The following DDX42 variants were observed in gnomAD, a reference collection of about 807,000 sequenced individuals.
DDX42 encodes ATP-dependent RNA helicase DDX42.
A neutral mutation model predicts 101.5 loss-of-function variants in DDX42; 22 were observed. That is an observed-to-expected ratio of 0.22 (90% CI 0.15 to 0.31). The LOEUF (loss-of-function observed/expected upper bound fraction) is 0.31. DDX42 is among the 10% of genes least tolerant of loss of function. DDX42 has a pLI of 1.00. For synonymous variants in DDX42, 402 were observed against 401.2 expected (o/e 1.00, Z -0.02); for missense variants, 849 against 1,199.9 (o/e 0.71, Z 4.32).
At chr17:63,786,867 G>A (rs1210461378) in intron 1 of DDX42, among the ~76,000 whole-genome samples, 167 bp from the exon 2 acceptor site, 1 of 152,098 alleles carries the variant, frequency 6.6e-6, no homozygotes, top group African/African-American at 2.4e-5. Context: ...TAGTAGAGAA[G>A]GGTTTTCACC....
chr17:63,807,068 C>T (rs1467577963), intron 8 of DDX42, among the ~76,000 whole-genome samples: 2 of 152,084 alleles, frequency 1.3e-5, no homozygotes, highest in African/African-American at 4.8e-5. Context: ...ATAGTCTGTA[C>T]CTTCTTAAGG....
chr17:63,807,580 T>C, intron 8 of DDX42, 144 bp from the exon 9 acceptor site: 1 of 641,070 alleles, frequency 1.6e-6, no homozygotes, highest in Non-Finnish European at 2.6e-6. Context: ...TATTTCTATT[T>C]CACAACCAGT....
chr17:63,811,776 G>T, intron 13 of DDX42, 156 bp from the exon 14 acceptor site: 2 of 867,996 alleles, frequency 2.3e-6, no homozygotes, highest in Admixed American at 2.1e-5. Context: ...GAAAGGAGAG[G>T]TGAGTTTTGA....
chr17:63,800,363 T>G (rs1047234144), intron 5 of DDX42, 105 bp from the exon 6 acceptor site: 1 of 1,034,854 alleles, frequency 9.7e-7, no homozygotes, highest in South Asian at 1.7e-5. Context: ...ACTTGGTAGG[T>G]ATGTTAACTG....
chr17:63,793,856 T>TTA (rs138103837), intron 3 of DDX42, among the ~76,000 whole-genome samples: 2,375 of 70,626 alleles, frequency 0.034, 34 homozygotes, highest in Middle Eastern at 0.11. Context: ...GCAGAAAAAT[T>TTA]TATATATATA....
chr17:63,813,691 G>A (rs151122576), intron 15 of DDX42, among the ~76,000 whole-genome samples: 5 of 152,256 alleles, frequency 3.3e-5, no homozygotes, highest in African/African-American at 1.2e-4. Context: ...ATCTGTCGCT[G>A]TAATTTCTAC....
chr17:63,811,228 G>A (rs371467533), intron 13 of DDX42, 55 bp downstream of exon 13: 11 of 1,275,024 alleles, frequency 8.6e-6, no homozygotes, highest in Middle Eastern at 1.9e-4. Context: ...TCATATTATG[G>A]AACACAGAAT....
At chr17:63,815,514 TG>T (rs1567747116) in intron 15 of DDX42, 48 bp from the exon 16 acceptor site, 1 of 1,401,990 alleles carries the variant, frequency 7.1e-7, no homozygotes. Flanking sequence ...TCTCTTCTTC[TG>T]TTCTTTTCTC....
chr17:63,780,701 A>AG (rs1231024723), intron 1 of DDX42, among the ~76,000 whole-genome samples: 1 of 152,208 alleles, frequency 6.6e-6, no homozygotes, highest in African/African-American at 2.4e-5. Flanking sequence ...CTAAGTCTTG[A>AG]GAGCCAGTAA....
At chr17:63,775,479 G>C (rs2039409292) in intron 1 of DDX42, among the ~76,000 whole-genome samples, 1 of 152,182 alleles carries the variant, frequency 6.6e-6, no homozygotes, top group Non-Finnish European at 1.5e-5. Context: ...GCTGGAAAGG[G>C]GGTTGGGGAG....
At chr17:63,804,047 TG>T (rs1803000918) in intron 6 of DDX42, among the ~76,000 whole-genome samples, 1 of 152,204 alleles carries the variant, frequency 6.6e-6, no homozygotes, top group South Asian at 2.1e-4. Context: ...TAAAGAGATT[TG>T]TGAAAATACA....
chr17:63,793,770 A>G (rs1198043747), intron 3 of DDX42, among the ~76,000 whole-genome samples: 1 of 151,808 alleles, frequency 6.6e-6, no homozygotes, highest in Non-Finnish European at 1.5e-5. Flanking sequence ...ACAGCTCTCT[A>G]TATTGATTAT....
In DDX42 at chr17:63,806,555, T is replaced by C. The variant is rs1000170405; in HGVS notation, c.747T>C (p.Pro249=). 5.0e-6 allele frequency: 8 copies of C among 1,613,374 alleles called. No homozygotes were observed. The highest frequency in any genetic ancestry group is 6.8e-6 in the Non-Finnish European group (8 of 1,179,796). The change falls in exon 8 of 18, where the codon CCT becomes CCC. Residue 249 remains proline, a synonymous_variant. Transcript: ENST00000389924. ...TCTAGGTCTCTGGTGCTGCACCTCC[T>C]AGACCAGGAAGTAGCTTTGCTCATT... is the stretch of plus-strand genomic sequence containing the variant. The part of the protein sequence containing the change: ...LNLRVSGAAP[P]RPGSSFAHFG...
chr17:63,809,637 T>A lies in DDX42; in HGVS notation c.1230T>A (p.Asp410Glu). 2 of 1,614,124 alleles carry A rather than the reference T, an allele frequency of 1.2e-6. No homozygotes were observed. Among genetic ancestry groups the A allele is most frequent in the Non-Finnish European group, 1.7e-6 (2 of 1,179,972 alleles). The change falls in exon 11 of 18, where the codon GAT (aspartate) becomes GAA (glutamate). Residue 410 changes from aspartate to glutamate, a missense_variant. Asp to Glu is a conservative substitution (Grantham distance 45). Coordinates refer to ENST00000389924, the MANE Select transcript of DDX42 (RefSeq NM_203499.3). The stretch of plus-strand genomic sequence containing the variant: ...CTTACCTTGTGTTTGATGAAGCAGA[T>A]CGAATGTTTGACATGGGATTTGGTA... The part of the protein sequence containing the change: ...RVSYLVFDEA[D>E]RMFDMGFEYQ...
At chr17:63,795,921 G>A (rs999410302) in intron 3 of DDX42, among the ~76,000 whole-genome samples, 1 of 152,138 alleles carries the variant, frequency 6.6e-6, no homozygotes, top group African/African-American at 2.4e-5. Flanking sequence ...TTATAGTGTT[G>A]TGTATTTCTG....
At position 63,787,049 on chromosome 17, in the gene DDX42, C is replaced by T. The variant is rs1457058432; in HGVS notation, c.-1C>T. 3.7e-6 allele frequency: 6 copies of T among 1,613,924 alleles called. No homozygotes were observed. In the African/African-American group the frequency reaches 6.7e-5, roughly 18 times the overall value. On this transcript the variant is annotated 5_prime_UTR_variant, in exon 2 of 18. Transcript: ENST00000389924. Reference sequence around the variant, plus strand: ...TTCCTAACAGGTCAGTCATTGGCACCATGAACTGGAATAAAGGTGGTCCTG... The same window carrying T: ...TTCCTAACAGGTCAGTCATTGGCACTATGAACTGGAATAAAGGTGGTCCTG...
chr17:63,794,690 C>A (rs1179576555), intron 3 of DDX42, among the ~76,000 whole-genome samples: 2 of 151,502 alleles, frequency 1.3e-5, no homozygotes, highest in Non-Finnish European at 2.9e-5. Context: ...CATTTGTAAT[C>A]CCAGCACTTT....
chr17:63,785,615 AAAAG>A (rs1414420344), intron 1 of DDX42, among the ~76,000 whole-genome samples: 22 of 149,666 alleles, frequency 1.5e-4, no homozygotes, highest in Non-Finnish European at 2.9e-4. Context: ...AAAAAAAAAA[AAAAG>A]AAAGAAAAGG....
chr17:63,816,555 T>C, intron 16 of DDX42: 1 of 210,762 alleles, frequency 4.7e-6, no homozygotes, highest in Non-Finnish European at 9.5e-6. Flanking sequence ...ATTCAGGGCC[T>C]TTTCATCTTT....
Sources: allele counts gnomAD v4.1 joint callset (sites outside exome capture counted in the v4.1 genomes callset), GRCh38; gene constraint gnomAD v4.1.1; transcripts MANE v1.5; gene names NCBI Gene and HGNC (gene_info 2026-07-23, HGNC 2026-07-21).